Variants in FHIT observed in about 807,000 individuals in gnomAD.
FHIT encodes fragile histidine triad diadenosine triphosphatase.
In FHIT, 19 loss-of-function variants were observed where a neutral mutation model predicts 17.9. That is an observed-to-expected ratio of 1.06 (90% confidence interval 0.74 to 1.56). FHIT has a LOEUF of 1.56. Among genes scored for constraint, FHIT ranks in the 40% most tolerant of loss-of-function variants. FHIT has a pLI of 0.00. For missense variants in FHIT, 248 were observed against 189.2 expected (o/e 1.31, Z -1.82); for synonymous variants, 81 against 69.7 (o/e 1.16, Z -0.81).
At chr3:60,188,031 G>T (rs1169175255) in intron 5 of FHIT, among the ~76,000 whole-genome samples, 1 of 151,988 alleles carries the variant, frequency 6.6e-6, no homozygotes, top group Non-Finnish European at 1.5e-5. Flanking sequence ...TCAAAATGAT[G>T]CACCTGTATT....
chr3:60,049,291 T>C (rs943616329), intron 5 of FHIT, among the ~76,000 whole-genome samples: 2 of 152,174 alleles, frequency 1.3e-5, no homozygotes, highest in African/African-American at 2.4e-5. Context: ...TCTAAGCTGT[T>C]AAACATAGTA....
chr3:60,518,682 T>C (rs1393646296), intron 5 of FHIT, among the ~76,000 whole-genome samples: 1 of 152,198 alleles, frequency 6.6e-6, no homozygotes, highest in African/African-American at 2.4e-5. Flanking sequence ...AGTAGATCCA[T>C]ATGGCACAAT....
intron 4 of FHIT, among the ~76,000 whole-genome samples, chr3:60,806,556 CA>C (rs1170327919): frequency 6.6e-6 from 1 of 152,224 alleles, no homozygotes; most frequent in Non-Finnish European, 1.5e-5. Flanking sequence ...TCCTATTAGG[CA>C]GATTCCTCAC....
intron 1 of FHIT, among the ~76,000 whole-genome samples, chr3:61,240,505 G>T (rs1338441356): frequency 6.6e-6 from 1 of 152,098 alleles, no homozygotes; most frequent in East Asian, 1.9e-4. Flanking sequence ...CCTCCAACTG[G>T]CTATAGAAAC....
intron 4 of FHIT, among the ~76,000 whole-genome samples, chr3:60,776,765 A>C (rs1312400073): frequency 6.6e-6 from 1 of 152,246 alleles, no homozygotes; most frequent in South Asian, 2.1e-4. Flanking sequence ...GGTGTATGAG[A>C]ACAGTAAAAT....
chr3:60,040,071 C>T (rs949209276), intron 5 of FHIT, among the ~76,000 whole-genome samples: 2 of 152,154 alleles, frequency 1.3e-5, no homozygotes, highest in African/African-American at 4.8e-5. Context: ...TAAGATGACA[C>T]CCATAAACAT....
At chr3:61,125,574 C>T (rs1365539487) in intron 2 of FHIT, among the ~76,000 whole-genome samples, 1 of 152,156 alleles carries the variant, frequency 6.6e-6, no homozygotes, top group Non-Finnish European at 1.5e-5. Flanking sequence ...TCAAATCACT[C>T]AATTCTTAAT....
chr3:60,567,018 A>C (rs2037160867), intron 4 of FHIT, among the ~76,000 whole-genome samples: 1 of 149,130 alleles, frequency 6.7e-6, no homozygotes, highest in Non-Finnish European at 1.5e-5. Context: ...CAATATCGTG[A>C]AAATGGCCAT....
rs116566818 is a variant in FHIT, at chr3:59,851,218, T to C, written c.348+71128A>G. Among the ~76,000 whole-genome samples, 536 of 152,120 alleles carry C rather than the reference T, an allele frequency of 3.5e-3. 3 individuals are homozygous for C. The highest frequency in any genetic ancestry group is 0.013 in the African/African-American group (519 of 41,482). ...TGGTAGTAGAGTGGTGTAATCCTCATAGCTCAAAAACGATCAGAGCTCATT... is the reference window on the plus strand; with the variant it reads ...TGGTAGTAGAGTGGTGTAATCCTCACAGCTCAAAAACGATCAGAGCTCATT... On this transcript the variant is annotated intron_variant, in intron 8 of 9. Coordinates refer to ENST00000492590, the MANE Select transcript of FHIT (RefSeq NM_002012.4).
Position 60,079,106 on chromosome 3 carries a change from A to G in FHIT, c.104-64954T>C, listed in dbSNP as rs558843772. Among the ~76,000 whole-genome samples the G allele has an allele frequency of 3.9e-4, 59 of 152,262 alleles. 1 individual carries two copies. In the South Asian group the frequency reaches 0.012, roughly 30 times the overall value. ...GGGTGGACAAACAAGATGGTGCTGC[A>G]AAGCTCCAACCCAAGAGCTGGCCCC... On this transcript the variant is annotated intron_variant, in intron 5 of 9. Transcript: ENST00000492590.
chr3:59,927,474 A>C lies in FHIT; in HGVS notation c.280-5060T>G, dbSNP rs574385744. On this transcript the variant is annotated intron_variant, in intron 7 of 9. Transcript: ENST00000492590. ...ATAAAGCTATTACTTAAAAAAAAAAAAAAAAACTGAAGGCCGGGTGCTGTG... is the reference window on the plus strand; with the variant it reads ...ATAAAGCTATTACTTAAAAAAAAAACAAAAAACTGAAGGCCGGGTGCTGTG... Among the ~76,000 whole-genome samples, 49 of 151,104 alleles carry C rather than the reference A, an allele frequency of 3.2e-4. No homozygotes were observed. The South Asian group carries it at 3.3e-3, about 10-fold the overall frequency.
At chr3:60,180,848 T>G (rs1012380810) in intron 5 of FHIT, among the ~76,000 whole-genome samples, 6 of 152,162 alleles carry the variant, frequency 3.9e-5, no homozygotes, top group African/African-American at 1.4e-4. Flanking sequence ...GATTAAAGAA[T>G]CAAGTACTTT....
intron 7 of FHIT, among the ~76,000 whole-genome samples, chr3:59,980,476 G>C (rs944738103): frequency 6.6e-6 from 1 of 152,148 alleles, no homozygotes; most frequent in African/African-American, 2.4e-5. Flanking sequence ...TCATTCTACA[G>C]TTTCTAACCG....
At chr3:61,195,779 T>C (rs1159889203) in intron 2 of FHIT, among the ~76,000 whole-genome samples, 2 of 152,178 alleles carry the variant, frequency 1.3e-5, no homozygotes, top group African/African-American at 4.8e-5. Flanking sequence ...TTGGAAAAAA[T>C]ACTTAGCCTT....
chr3:60,061,756 A>C (rs1333238896), intron 5 of FHIT, among the ~76,000 whole-genome samples: 1 of 152,210 alleles, frequency 6.6e-6, no homozygotes, highest in African/African-American at 2.4e-5. Flanking sequence ...GGATGCTAGG[A>C]AACAAATGAC....
intron 5 of FHIT, among the ~76,000 whole-genome samples, chr3:60,277,585 C>T (rs1371670542): frequency 2.0e-5 from 3 of 152,148 alleles, no homozygotes; most frequent in Non-Finnish European, 4.4e-5. Context: ...GTAGGGCATC[C>T]AGCTTCCTCG....
intron 5 of FHIT, among the ~76,000 whole-genome samples, chr3:60,117,494 TA>T (rs34113926): frequency 0.23 from 19,694 of 86,484 alleles, 1,594 homozygotes; most frequent in Non-Finnish European, 0.31. Flanking sequence ...ACTTCCTATC[TA>T]AAAAAAAAAA....
chr3:60,451,672 A>G (rs982446163), intron 5 of FHIT, among the ~76,000 whole-genome samples: 1 of 152,182 alleles, frequency 6.6e-6, no homozygotes, highest in Non-Finnish European at 1.5e-5. Context: ...TTGCACAAAG[A>G]TAACTTAGTA....
chr3:61,208,832 C>G (rs866414233), intron 1 of FHIT, among the ~76,000 whole-genome samples: 16 of 151,726 alleles, frequency 1.1e-4, no homozygotes, highest in Non-Finnish European at 1.5e-5. Flanking sequence ...GGTTAATATT[C>G]TTATGTGTGA....
Sources: allele counts gnomAD v4.1 joint callset (sites outside exome capture counted in the v4.1 genomes callset), GRCh38; gene constraint gnomAD v4.1.1; transcripts MANE v1.5; gene names NCBI Gene and HGNC (gene_info 2026-07-23, HGNC 2026-07-21).